The following CLEC12A variants were observed in gnomAD, a reference collection of about 807,000 sequenced individuals.
The protein encoded by CLEC12A is C-type lectin protein CLL-1.
Under a neutral mutation model 26.5 loss-of-function variants are expected in CLEC12A, and 22 were observed. That is an observed-to-expected ratio of 0.83 (90% CI 0.59 to 1.19). The LOEUF (loss-of-function observed/expected upper bound fraction) is 1.19. Ranked by LOEUF, CLEC12A falls within the 50% of genes most tolerant of loss-of-function variation. The pLI is 0.00. For synonymous variants in CLEC12A, 119 were observed against 101.9 expected (o/e 1.17, Z -1.01); for missense variants, 353 against 315.6 (o/e 1.12, Z -0.90).
upstream of CLEC12A, among the ~76,000 whole-genome samples, chr12:9,968,573 T>A (rs1202630593): frequency 2.6e-5 from 4 of 152,134 alleles, no homozygotes; most frequent in Non-Finnish European, 2.9e-5. Context: ...CATTTTCACT[T>A]CTTTTGTGGT....
Position 9,982,130 on chromosome 12 carries a change from G to A in CLEC12A, c.641+1G>A, listed in dbSNP as rs746049291. Reference sequence around the variant, plus strand: ...ATAATATAATCAACTCCTCTGCCTGGTAAGTGTCTATTCTTGTTAGAATTT... The same window carrying A: ...ATAATATAATCAACTCCTCTGCCTGATAAGTGTCTATTCTTGTTAGAATTT... On this transcript the variant is annotated splice_donor_variant, in intron 5 of 5. Transcript: ENST00000304361. LOFTEE classifies it high-confidence loss of function. The A allele has an allele frequency of 1.4e-6, 2 of 1,477,848 alleles. No individual in the cohort carries two copies. The highest frequency in any genetic ancestry group is 9.5e-7 in the Non-Finnish European group (1 of 1,057,280). 91.5% of individuals were successfully genotyped at this position (1,477,848 alleles called of 1,614,324 possible).
intron 1 of CLEC12A, among the ~76,000 whole-genome samples, chr12:9,978,006 T>C (rs1019384757): frequency 1.3e-5 from 2 of 152,154 alleles, no homozygotes; most frequent in African/African-American, 4.8e-5. Context: ...GAACATGTAG[T>C]TCTTTCAGTA....
At chr12:9,976,985 C>T (rs1026552357) in intron 1 of CLEC12A, among the ~76,000 whole-genome samples, 1 of 151,634 alleles carries the variant, frequency 6.6e-6, no homozygotes, top group Non-Finnish European at 1.5e-5. Context: ...GCCTCCCCAG[C>T]CGCGTGAAAC....
At chr12:9,984,073 G>A (rs2961544) in intron 5 of CLEC12A, 194,131 of 298,838 alleles carry the variant, frequency 0.65, 64,458 homozygotes, top group East Asian at 0.89. Flanking sequence ...AAAGAAAACT[G>A]AAAAAGTATA....
downstream of CLEC12A, among the ~76,000 whole-genome samples, chr12:9,990,116 T>A (rs118132954): frequency 1.5e-3 from 222 of 152,312 alleles, 5 homozygotes; most frequent in East Asian, 0.039. Context: ...TATAGACATG[T>A]ACCGGGAGGT....
chr12:9,964,585 T>C (rs1050335089), intron 1 of CLEC12A, among the ~76,000 whole-genome samples: 1 of 151,662 alleles, frequency 6.6e-6, no homozygotes, highest in African/African-American at 2.4e-5. Context: ...GAGTTAAGAG[T>C]TGCCAGTCCT....
chr12:9,985,000 G>C lies in CLEC12A; in HGVS notation c.772G>C (p.Gly258Arg), dbSNP rs369345313. Residue 258 changes from glycine to arginine, a missense_variant, in exon 6 of 6, where the codon GGT (glycine) becomes CGT (arginine). By Grantham distance (125) the Gly-to-Arg change is moderately radical. Transcript: ENST00000304361. ...GAAGATGGCCAATCCAGTGCAGCTT[G>C]GTTCTACATATTTTAGGGAGGCATG... Reference protein sequence around the residue: ...CEKMANPVQLGSTYFREA With the variant: ...CEKMANPVQLRSTYFREA 2.0e-6 allele frequency: 3 copies of C among 1,533,236 alleles called. No individual in the cohort carries two copies. In the Admixed American group the frequency reaches 6.1e-5, roughly 31 times the overall value. 95.0% of individuals were successfully genotyped at this position (1,533,236 alleles called of 1,614,324 possible).
At chr12:9,999,836 A>T (rs183108175), downstream of CLEC12A, among the ~76,000 whole-genome samples, 9 of 152,330 alleles carry the variant, frequency 5.9e-5, no homozygotes, top group Admixed American at 5.9e-4. Flanking sequence ...GGAATGGAAG[A>T]ATTTTGATTT....
the CLEC12A span, among the ~76,000 whole-genome samples, chr12:10,000,748 T>G: frequency 6.6e-6 from 1 of 152,180 alleles, no homozygotes; most frequent in African/African-American, 2.4e-5. Context: ...CAGGCTTTTC[T>G]GGAAGATTGG....
rs750448903 is a variant in CLEC12A, at chr12:9,985,292, G to C, written c.*266G>C. On this transcript the variant is annotated 3_prime_UTR_variant, in exon 6 of 6. Coordinates refer to ENST00000304361, the MANE Select transcript of CLEC12A (RefSeq NM_138337.6). ...GAGGAAGTCCATTCAGATAGTTGTGGGGGGCCTTCGAATTTTCATTTTCAT... is the reference window on the plus strand; with the variant it reads ...GAGGAAGTCCATTCAGATAGTTGTGCGGGGCCTTCGAATTTTCATTTTCAT... 3.7e-5 allele frequency: 15 copies of C among 401,880 alleles called. No homozygotes were observed. The highest frequency in any genetic ancestry group is 6.1e-5 in the Non-Finnish European group (14 of 230,490). The allele number at this position is 401,880 out of a possible 1,614,324, so 24.9% of individuals were successfully genotyped here. A position where few individuals can be genotyped will look rare whatever the true frequency, so the allele number is the denominator to read the frequency against.
chr12:9,966,011 G>T (rs1460292012), intron 1 of CLEC12A, among the ~76,000 whole-genome samples: 1 of 152,098 alleles, frequency 6.6e-6, no homozygotes, highest in African/African-American at 2.4e-5. Context: ...GAATAGTTAG[G>T]GAAGCAGATA....
At chr12:9,986,723 A>G (rs1203310666), downstream of CLEC12A, among the ~76,000 whole-genome samples, 1 of 152,150 alleles carries the variant, frequency 6.6e-6, no homozygotes, top group African/African-American at 2.4e-5. Flanking sequence ...AGGCAGGAGA[A>G]TCGCTTGAAC....
At chr12:9,999,204 T>C (rs1865125717), downstream of CLEC12A, 1 of 761,316 alleles carries the variant, frequency 1.3e-6, no homozygotes, top group Non-Finnish European at 2.3e-6. Flanking sequence ...CTTCCTGTCT[T>C]TAGTAGGGTA....
chr12:9,966,380 GGGGCAGA>G (rs1162841774), intron 1 of CLEC12A, among the ~76,000 whole-genome samples: 1 of 141,844 alleles, frequency 7.1e-6, no homozygotes, highest in Non-Finnish European at 1.5e-5. Flanking sequence ...AGAGAGCCTT[GGGGCAGA>G]GTTCCAGGGG....
downstream of CLEC12A, among the ~76,000 whole-genome samples, chr12:9,997,456 T>G (rs1247597117): frequency 6.6e-6 from 1 of 151,706 alleles, no homozygotes. Context: ...AATTAAGAAA[T>G]ACACAGAACT....
At chr12:10,002,677 C>T in the CLEC12A span, among the ~76,000 whole-genome samples, 4 of 151,980 alleles carry the variant, frequency 2.6e-5, no homozygotes, top group African/African-American at 7.2e-5. Context: ...CTCCTGACCT[C>T]GTGATCCGCC....
At chr12:9,996,395 C>T (rs1391571430), downstream of CLEC12A, among the ~76,000 whole-genome samples, 3 of 152,080 alleles carry the variant, frequency 2.0e-5, no homozygotes, top group Admixed American at 6.6e-5. Flanking sequence ...ATATATGTCT[C>T]GAATTAATCT....
intron 1 of CLEC12A, 104 bp from the exon 2 acceptor site, chr12:9,978,862 A>G (rs1241227280): frequency 2.5e-6 from 2 of 790,246 alleles, no homozygotes; most frequent in African/African-American, 1.7e-5. Context: ...TCCAATAGGC[A>G]TATTAGGAAA....
At chr12:9,956,010 A>G (rs1198720963) in intron 1 of CLEC12A, among the ~76,000 whole-genome samples, 2 of 152,228 alleles carry the variant, frequency 1.3e-5, no homozygotes, top group African/African-American at 2.4e-5. Flanking sequence ...AAGTTGAAGG[A>G]GATAGTTTCA....
Sources: gnomAD v4.1 joint callset for allele counts (sites outside exome capture counted in the v4.1 genomes callset) on GRCh38, gnomAD v4.1.1 for gene constraint, MANE v1.5 for transcripts, NCBI Gene and HGNC (gene_info 2026-07-23, HGNC 2026-07-21) for gene names.